The following CSMD2 variants were observed in gnomAD, a reference collection of about 807,000 sequenced individuals.
CSMD2 encodes CUB and Sushi multiple domains 2.
A neutral mutation model predicts 398.5 loss-of-function variants in CSMD2; 130 were observed. The ratio of observed to expected loss-of-function variants is 0.33; its 90% CI spans 0.28 to 0.38. The LOEUF is 0.38. CSMD2 is among the 10% of genes least tolerant of loss of function. The pLI, the probability that CSMD2 is intolerant of heterozygous loss-of-function variation, is 1.00. For synonymous variants in CSMD2, 1,828 were observed against 1,908.5 expected (o/e 0.96, Z 1.10); for missense variants, 3,829 against 4,764.9 (o/e 0.80, Z 5.78).
chr1:33,864,463 A>C (rs980029597), intron 5 of CSMD2: 24 of 1,614,006 alleles, frequency 1.5e-5, no homozygotes, highest in Non-Finnish European at 2.0e-5. Context: ...CGGGATCCCC[A>C]GGAACCCAGA....
chr1:33,836,754 C>T (rs1228261219), intron 6 of CSMD2, among the ~76,000 whole-genome samples: 2 of 152,154 alleles, frequency 1.3e-5, no homozygotes, highest in African/African-American at 2.4e-5. Context: ...TTCCAGGTGC[C>T]GTGCATCACC....
At chr1:33,530,336 T>A (rs927266782) in intron 64 of CSMD2, among the ~76,000 whole-genome samples, 1 of 152,146 alleles carries the variant, frequency 6.6e-6, no homozygotes, top group Non-Finnish European at 1.5e-5. Flanking sequence ...AACAGGTATA[T>A]GAAAAATGCT....
At chr1:33,667,075 A>C (rs969036665) in intron 25 of CSMD2, among the ~76,000 whole-genome samples, 13 of 152,322 alleles carry the variant, frequency 8.5e-5, no homozygotes, top group Middle Eastern at 6.8e-3. Context: ...GATGCCATAG[A>C]GAATACAGCT....
intron 1 of CSMD2, among the ~76,000 whole-genome samples, chr1:34,157,397 T>A (rs1391327412): frequency 2.6e-5 from 4 of 152,068 alleles, no homozygotes; most frequent in African/African-American, 9.7e-5. Flanking sequence ...GGTTATATAA[T>A]AACCCCATCT....
chr1:33,745,674 A>G lies in CSMD2; in HGVS notation c.1847-2068T>C, dbSNP rs185430205. On this transcript the variant is annotated intron_variant, in intron 13 of 70. Coordinates refer to ENST00000373381, the MANE Select transcript of CSMD2 (RefSeq NM_001281956.2). ...CTGTAAAAGCCCTCCCATGCAATTC[A>G]GCAAAGTAAGCCTGGTTCTTAAGAC... Among the ~76,000 whole-genome samples, 19 of 152,314 alleles carry G rather than the reference A, an allele frequency of 1.2e-4. No homozygotes were observed. In the East Asian group the frequency reaches 2.9e-3, roughly 23 times the overall value.
chr1:34,002,517 G>A (rs1646933949), intron 3 of CSMD2, among the ~76,000 whole-genome samples: 1 of 152,070 alleles, frequency 6.6e-6, no homozygotes, highest in Non-Finnish European at 1.5e-5. Context: ...ATAGTTGTGG[G>A]GTATATGCAA....
At chr1:33,835,686 AAC>A (rs869120342) in intron 6 of CSMD2, among the ~76,000 whole-genome samples, 6,105 of 20,828 alleles carry the variant, frequency 0.29, 487 homozygotes, top group African/African-American at 0.51. Flanking sequence ...AACAAAACAA[AAC>A]AAAAAAAACA....
chr1:33,621,912 G>GC (rs1354903894), intron 37 of CSMD2, among the ~76,000 whole-genome samples: 2 of 152,206 alleles, frequency 1.3e-5, no homozygotes, highest in Non-Finnish European at 2.9e-5. Flanking sequence ...CTTGGCCAAT[G>GC]CAAGTCCCCT....
At chr1:33,646,535 G>T in intron 29 of CSMD2, 113 bp downstream of exon 29, 3 of 1,124,172 alleles carry the variant, frequency 2.7e-6, no homozygotes, top group South Asian at 1.5e-5. Flanking sequence ...TGCTAGGGTT[G>T]GTGTGGGCTT....
At chr1:34,098,180 G>T (rs1371917442) in intron 1 of CSMD2, among the ~76,000 whole-genome samples, 1 of 128,562 alleles carries the variant, frequency 7.8e-6, no homozygotes, top group Admixed American at 8.2e-5. Flanking sequence ...ACCAAACACC[G>T]CATATTCTCA....
chr1:33,893,440 AC>A (rs1393210018), intron 5 of CSMD2, among the ~76,000 whole-genome samples: 1 of 152,248 alleles, frequency 6.6e-6, no homozygotes, highest in Admixed American at 6.5e-5. Context: ...GAAGTGAAGC[AC>A]AAAGCAGCTT....
In CSMD2 at chr1:33,559,157, C is replaced by A; in HGVS notation, c.8554+143G>T. ...TTTATCTAAGGGTTGAGAAAGTCCT[C>A]ATTTATGACCCTTCTCTGCTCCATC... is the stretch of plus-strand genomic sequence containing the variant. On this transcript the variant is annotated intron_variant, in intron 54 of 70. Transcript: ENST00000373381. The surrounding 1 kb of genome is among the most constrained non-coding windows in gnomAD (Gnocchi z 4.0). The A allele has an allele frequency of 1.4e-6, 1 of 711,310 alleles. No homozygotes were observed. The highest frequency in any genetic ancestry group is 2.5e-5 in the South Asian group (1 of 40,572). 44.1% of individuals were successfully genotyped at this position (711,310 alleles called of 1,614,324 possible).
At chr1:33,748,335 C>A (rs1185543879) in intron 13 of CSMD2, among the ~76,000 whole-genome samples, 5 of 152,106 alleles carry the variant, frequency 3.3e-5, no homozygotes, top group African/African-American at 1.2e-4. Flanking sequence ...CCCTCAATCA[C>A]CCAGGTTAAA....
rs1640167280 is a variant in CSMD2 at position 33,600,899 on chromosome 1, T to C, written c.6822A>G (p.Ala2274=). 8.1e-6 allele frequency: 13 copies of C among 1,614,126 alleles called. No homozygotes were observed. The highest frequency in any genetic ancestry group is 1.0e-5 in the Non-Finnish European group (12 of 1,180,010). Residue 2274 remains alanine (A), a synonymous_variant, in exon 44 of 71, where the codon GCA becomes GCG. Coordinates refer to ENST00000373381, the MANE Select transcript of CSMD2 (RefSeq NM_001281956.2). ...CTATGGCGAAGATCCCCCCTGTGGC[T>C]GCATCACGGTGGAACTTGAGCAGGA... The part of the protein sequence containing the change: ...NQVLLKFHRD[A]ATGGIFAIAF...
At chr1:34,115,066 A>T (rs965830308) in intron 1 of CSMD2, among the ~76,000 whole-genome samples, 7 of 152,184 alleles carry the variant, frequency 4.6e-5, no homozygotes, top group African/African-American at 1.7e-4. Context: ...AATAGAAAAA[A>T]GAATGAACAA....
At chr1:33,776,389 C>A (rs915859521) in intron 12 of CSMD2, among the ~76,000 whole-genome samples, 2 of 152,042 alleles carry the variant, frequency 1.3e-5, no homozygotes, top group Non-Finnish European at 2.9e-5. Flanking sequence ...GGCAGGAGAC[C>A]GAGGGAGATC....
chr1:33,922,403 G>A (rs1643975529), intron 4 of CSMD2, among the ~76,000 whole-genome samples: 1 of 152,172 alleles, frequency 6.6e-6, no homozygotes, highest in South Asian at 2.1e-4. Flanking sequence ...CAGCCACTCT[G>A]TGTGGCCAAG....
rs1417538565 is a variant in CSMD2, at chr1:33,783,760, GCC to G, written c.1663+4838_1663+4839del. Among the ~76,000 whole-genome samples, 19 of 152,224 alleles carry G rather than the reference GCC, an allele frequency of 1.2e-4. No homozygotes were observed. In the East Asian group the frequency reaches 3.5e-3, roughly 28 times the overall value. On this transcript the variant is annotated intron_variant, in intron 12 of 70. Transcript: ENST00000373381. ...GGCCTTCTGTTATGGGGTGCTCTGT[GCC>G]CCCCAAAAAGACGTGTTGAAGTTCT...
At chr1:33,966,881 G>A (rs1011938427) in intron 3 of CSMD2, among the ~76,000 whole-genome samples, 5 of 152,196 alleles carry the variant, frequency 3.3e-5, no homozygotes, top group Admixed American at 1.3e-4. Context: ...GTGGAAATGC[G>A]CCTAGACAAC....
Sources: gnomAD v4.1 joint callset for allele counts (sites outside exome capture counted in the v4.1 genomes callset) on GRCh38, gnomAD v4.1.1 for gene constraint, Gnocchi (gnomAD v3.1) non-coding constraint, MANE v1.5 for transcripts, NCBI Gene and HGNC (gene_info 2026-07-23, HGNC 2026-07-21) for gene names.